The following RSU1 variants were observed in gnomAD, a reference collection of about 807,000 sequenced individuals.
RSU1 encodes Ras suppressor protein 1.
RSU1 carries 26 observed loss-of-function variants against 31.1 expected under a neutral mutation model. That is an observed-to-expected ratio of 0.84 (90% CI 0.61 to 1.16). The LOEUF (loss-of-function observed/expected upper bound fraction) is 1.16. Ranked by LOEUF, RSU1 falls within the 50% of genes most tolerant of loss-of-function variation. The pLI is 0.00. For missense variants in RSU1, 320 were observed against 339.1 expected, an observed-to-expected ratio of 0.94 and a Z score of 0.44; for synonymous variants, 164 against 136.3, an observed-to-expected ratio of 1.20 and a Z score of -1.41.
At position 16,593,164 on chromosome 10, in the gene RSU1, G is replaced by C; in HGVS notation, c.*230C>G. 1 of 704,990 alleles carries C rather than the reference G, an allele frequency of 1.4e-6. No individual in the cohort carries two copies. The highest frequency in any genetic ancestry group is 2.1e-6 in the Non-Finnish European group (1 of 486,866). The allele number at this position is 704,990 out of a possible 1,614,324, so 43.7% of individuals were successfully genotyped here. Reference sequence around the variant, plus strand: ...CAGTTGAATAAGAGCTTTGTTCCCTGCTTTTGGTAATGTTAAAGAAACAAA... The same window carrying C: ...CAGTTGAATAAGAGCTTTGTTCCCTCCTTTTGGTAATGTTAAAGAAACAAA... On this transcript the variant is annotated 3_prime_UTR_variant, in exon 9 of 9. Coordinates refer to ENST00000345264, the MANE Select transcript of RSU1 (RefSeq NM_012425.4).
intron 8 of RSU1, among the ~76,000 whole-genome samples, chr10:16,598,913 T>A (rs1833666852): frequency 6.6e-6 from 1 of 152,162 alleles, no homozygotes; most frequent in Non-Finnish European, 1.5e-5. Flanking sequence ...AAAATGAGTT[T>A]CTGGGATAAA....
At chr10:16,742,328 C>G (rs1335310007) in intron 7 of RSU1, among the ~76,000 whole-genome samples, 1 of 152,128 alleles carries the variant, frequency 6.6e-6, no homozygotes, top group African/African-American at 2.4e-5. Flanking sequence ...TCCATGATGT[C>G]ACGGTAAGGC....
At chr10:16,727,178 G>T (rs536128782) in intron 7 of RSU1, 50 of 456,458 alleles carry the variant, frequency 1.1e-4, no homozygotes, top group African/African-American at 9.2e-4. Context: ...AGGAGTCATT[G>T]ACTTCAGAGT....
chr10:16,792,259 C>T (rs144560705), intron 2 of RSU1, among the ~76,000 whole-genome samples: 186 of 152,290 alleles, frequency 1.2e-3, no homozygotes, highest in African/African-American at 4.4e-3. Flanking sequence ...TGTTTTGAAA[C>T]AGAGTCTCAC....
Position 16,681,029 on chromosome 10 carries a change from A to T in RSU1, c.731+13994T>A, listed in dbSNP as rs1315788262. Among the ~76,000 whole-genome samples, 4 of 152,228 alleles carry T rather than the reference A, an allele frequency of 2.6e-5. No homozygotes were observed. The East Asian group carries it at 7.7e-4, about 29-fold the overall frequency. On this transcript the variant is annotated intron_variant, in intron 8 of 8. Transcript: ENST00000345264. ...GCTTCCTATTGTGTGTCTATTTAGC[A>T]GTCTTAGCCTTATAGTTACACCAAA...
intron 7 of RSU1, among the ~76,000 whole-genome samples, chr10:16,744,955 C>T (rs529471099): frequency 6.6e-6 from 1 of 152,280 alleles, no homozygotes; most frequent in East Asian, 1.9e-4. Flanking sequence ...AATTCCCAGC[C>T]TTTCTTTTAT....
intron 7 of RSU1, among the ~76,000 whole-genome samples, chr10:16,728,288 G>A (rs1237179693): frequency 6.6e-6 from 1 of 152,098 alleles, no homozygotes; most frequent in Non-Finnish European, 1.5e-5. Flanking sequence ...GGTGTCAAAA[G>A]CTATTAATCA....
chr10:16,719,624 G>A (rs1237349813), intron 7 of RSU1, among the ~76,000 whole-genome samples: 1 of 152,116 alleles, frequency 6.6e-6, no homozygotes, highest in East Asian at 1.9e-4. Context: ...CAATTATCTT[G>A]TTCACGTTTA....
chr10:16,808,345 G>A (rs12269366), intron 2 of RSU1, among the ~76,000 whole-genome samples: 27,151 of 151,674 alleles, frequency 0.18, 2,617 homozygotes, highest in African/African-American at 0.24. Flanking sequence ...TTCGCCAGGC[G>A]TTGTGGCAGG....
chr10:16,716,998 T>A (rs1408883285), intron 7 of RSU1, among the ~76,000 whole-genome samples: 1 of 152,210 alleles, frequency 6.6e-6, no homozygotes, highest in East Asian at 1.9e-4. Context: ...ATACTGAAGT[T>A]TAAATGTCAT....
chr10:16,770,472 A>C (rs1837402211), intron 3 of RSU1, among the ~76,000 whole-genome samples: 4 of 152,188 alleles, frequency 2.6e-5, no homozygotes, highest in Admixed American at 2.6e-4. Context: ...ACAGGCATGA[A>C]ATCTGGAGGT....
chr10:16,667,012 C>A (rs1260821903), intron 8 of RSU1, among the ~76,000 whole-genome samples: 1 of 150,542 alleles, frequency 6.6e-6, no homozygotes, highest in Non-Finnish European at 1.5e-5. Context: ...AAAAACCAAA[C>A]CAAAACAAAG....
At chr10:16,677,469 A>T (rs1835254967) in intron 8 of RSU1, among the ~76,000 whole-genome samples, 1 of 152,182 alleles carries the variant, frequency 6.6e-6, no homozygotes, top group South Asian at 2.1e-4. Context: ...GGAGTAGCTG[A>T]CTTTATAATG....
chr10:16,811,124 A>C (rs984294322), intron 2 of RSU1, among the ~76,000 whole-genome samples: 1 of 152,126 alleles, frequency 6.6e-6, no homozygotes, highest in Non-Finnish European at 1.5e-5. Flanking sequence ...AGACACACAC[A>C]CTCACCATCA....
At chr10:16,672,441 T>G (rs1242278362) in intron 8 of RSU1, among the ~76,000 whole-genome samples, 1 of 152,192 alleles carries the variant, frequency 6.6e-6, no homozygotes, top group East Asian at 1.9e-4. Context: ...TTATTTCTAA[T>G]AGCCCCTAAC....
At chr10:16,628,841 A>AAT (rs1834201467) in intron 8 of RSU1, among the ~76,000 whole-genome samples, 1 of 152,068 alleles carries the variant, frequency 6.6e-6, no homozygotes, top group Admixed American at 6.5e-5. Context: ...TTGACCTTCC[A>AAT]GTCAATCAAT....
intron 7 of RSU1, among the ~76,000 whole-genome samples, chr10:16,727,959 T>C (rs374229785): frequency 2.6e-5 from 4 of 152,036 alleles, no homozygotes; most frequent in African/African-American, 7.2e-5. Context: ...ACAGAAAAAC[T>C]AAAAACTGGA....
intron 8 of RSU1, among the ~76,000 whole-genome samples, chr10:16,644,012 G>A (rs539612904): frequency 6.6e-6 from 1 of 151,874 alleles, no homozygotes; most frequent in Non-Finnish European, 1.5e-5. Flanking sequence ...AAGTATAGGG[G>A]AGGATGTGCA....
At chr10:16,732,837 T>C (rs1016596508) in intron 7 of RSU1, among the ~76,000 whole-genome samples, 2 of 152,158 alleles carry the variant, frequency 1.3e-5, no homozygotes, top group Non-Finnish European at 2.9e-5. Flanking sequence ...ACGAAGATAT[T>C]AGATAAGAAT....
Sources: gnomAD v4.1 joint callset for allele counts (sites outside exome capture counted in the v4.1 genomes callset) on GRCh38, gnomAD v4.1.1 for gene constraint, MANE v1.5 for transcripts, NCBI Gene and HGNC (gene_info 2026-07-23, HGNC 2026-07-21) for gene names.